The following RYR1 variants were observed in gnomAD, a reference collection of about 807,000 sequenced individuals.
RYR1 encodes the protein central core disease of muscle.
RYR1 carries 342 observed loss-of-function variants against 583.5 expected under a neutral mutation model. The ratio of observed to expected loss-of-function variants is 0.59; its 90% confidence interval spans 0.54 to 0.64. The LOEUF is 0.64. Ranked by LOEUF, RYR1 falls within the 30% of genes least tolerant of loss-of-function variation. The pLI is 0.00. For missense variants in RYR1, 6,032 were observed against 6,917.2 expected, an observed-to-expected ratio of 0.87 and a Z score of 4.54; for synonymous variants, 2,791 against 2,822.5, an observed-to-expected ratio of 0.99 and a Z score of 0.35.
chr19:38,566,504 A>C (rs1380278265), intron 91 of RYR1, among the ~76,000 whole-genome samples: 1 of 151,624 alleles, frequency 6.6e-6, no homozygotes, highest in Non-Finnish European at 1.5e-5. Context: ...GACTAAAAAA[A>C]GTCCCGAGAC....
chr19:38,551,928 C>A (rs1274825006), intron 89 of RYR1, among the ~76,000 whole-genome samples: 2 of 152,078 alleles, frequency 1.3e-5, no homozygotes, highest in East Asian at 3.9e-4. Context: ...TACAGCAACC[C>A]TACATGGTAA....
Position 38,458,312 on chromosome 19 carries a change from G to C in RYR1, c.2167+20G>C, listed in dbSNP as rs777995905. 2 of 1,611,782 alleles carry C rather than the reference G, an allele frequency of 1.2e-6. No homozygotes were observed. Among genetic ancestry groups the C allele is most frequent in the South Asian group, 2.2e-5 (2 of 91,030 alleles). On this transcript the variant is annotated intron_variant, in intron 18 of 105. Coordinates refer to ENST00000359596, the MANE Select transcript of RYR1 (RefSeq NM_000540.3). ...GGACAGGTACCTGACCCCTTCCAGG[G>C]GACCCTCACCCCTGACCATTGACCC...
At position 38,455,073 on chromosome 19, in the gene RYR1, G is replaced by A. The variant is rs116715161; in HGVS notation, c.1441-162G>A. Reference sequence around the variant, plus strand: ...ATGGGGAGCCAAGGAGGAGAGGAGAGCAATGGGACTGATTGGGAATATGAA... The same window carrying A: ...ATGGGGAGCCAAGGAGGAGAGGAGAACAATGGGACTGATTGGGAATATGAA... On this transcript the variant is annotated intron_variant, in intron 13 of 105. Transcript: ENST00000359596. Among the ~76,000 whole-genome samples, 1,074 of 152,184 alleles carry A rather than the reference G, an allele frequency of 7.1e-3. 11 individuals carry two copies. The highest frequency in any genetic ancestry group is 0.024 in the African/African-American group (1,008 of 41,522).
chr19:38,536,998 C>T (rs1427098341), intron 83 of RYR1: 1 of 599,232 alleles, frequency 1.7e-6, no homozygotes, highest in Non-Finnish European at 3.0e-6. Flanking sequence ...CTCTTACCTT[C>T]CCTAAGCTTC....
At position 38,444,292 on chromosome 19, in the gene RYR1, G is replaced by A; in HGVS notation, c.537+31G>A. The A allele has an allele frequency of 1.3e-6, 2 of 1,528,918 alleles. No homozygotes were observed. The highest frequency in any genetic ancestry group is 1.8e-6 in the Non-Finnish European group (2 of 1,104,992). The allele number at this position is 1,528,918 out of a possible 1,614,324, so 94.7% of individuals were successfully genotyped here. A position where few individuals can be genotyped will look rare whatever the true frequency, so the allele number is the denominator to read the frequency against. On this transcript the variant is annotated intron_variant, in intron 6 of 105. Coordinates refer to ENST00000359596, the MANE Select transcript of RYR1 (RefSeq NM_000540.3). This position sits in a 1 kb window ranked among gnomAD's most constrained non-coding sequence, Gnocchi z 5.1. Reference sequence around the variant, plus strand: ...CCATTGCGGTTCCTCCTGCTCCCAGGTCTGGGGGCGCATGGGATGGTCCCC... The same window carrying A: ...CCATTGCGGTTCCTCCTGCTCCCAGATCTGGGGGCGCATGGGATGGTCCCC...
rs113858376 is a variant in RYR1, at chr19:38,502,439, C to T, written c.7615-68C>T. The T allele has an allele frequency of 0.024, 34,623 of 1,466,408 alleles. 496 individuals carry two copies. The highest frequency in any genetic ancestry group is 0.038 in the Middle Eastern group (169 of 4,412). 90.8% of individuals were successfully genotyped at this position (1,466,408 alleles called of 1,614,324 possible). A position where few individuals can be genotyped will look rare whatever the true frequency, so the allele number is the denominator to read the frequency against. ...AGCTTGGATCCTTTGGCCACAGTCG[C>T]TCAAGACAGGTGCCAGAGCAGCCCC... On this transcript the variant is annotated intron_variant, in intron 47 of 105. Transcript: ENST00000359596.
At chr19:38,470,551 C>G (rs1968371277) in intron 27 of RYR1, among the ~76,000 whole-genome samples, 1 of 152,056 alleles carries the variant, frequency 6.6e-6, no homozygotes, top group Admixed American at 6.6e-5. Flanking sequence ...ATGAGCCTGG[C>G]CAATATGGCA....
intron 76 of RYR1, among the ~76,000 whole-genome samples, chr19:38,531,266 G>A (rs7246912): frequency 0.12 from 17,513 of 151,970 alleles, 1,217 homozygotes; most frequent in South Asian, 0.28. Context: ...GTGGGAGAGC[G>A]ATGGCTCTGG....
At chr19:38,526,103 A>G (rs1971455969) in intron 71 of RYR1, among the ~76,000 whole-genome samples, 5 of 152,034 alleles carry the variant, frequency 3.3e-5, no homozygotes, top group East Asian at 1.9e-4. Flanking sequence ...CCCAGGATCC[A>G]TGAACCCCAA....
rs143849895 is a variant in RYR1, at chr19:38,566,953, G to A, written c.13480G>A (p.Glu4494Lys). ...GGAGCTCCCGCCAGAGCCAGAGCCC[G>A]AGCCGGAACCAGAGCTGGAGCCGGA... is the stretch of plus-strand genomic sequence containing the variant. ...EEELPPEPEP[E>K]PEPELEPEKA... The change falls in exon 92 of 106, where the codon GAG (glutamate) becomes AAG (lysine). Residue 4494 changes from glutamate to lysine, a missense_variant. This residue lies in a region of RYR1 where 753 missense variants were observed against 759.6 expected (regional missense o/e 0.99). Coordinates refer to ENST00000359596, the MANE Select transcript of RYR1 (RefSeq NM_000540.3). 86 of 1,606,030 alleles carry A rather than the reference G, an allele frequency of 5.4e-5. No individual in the cohort carries two copies. The highest frequency in any genetic ancestry group is 9.4e-5 in the African/African-American group (7 of 74,844).
At chr19:38,502,858 C>CA (rs748450138) in intron 48 of RYR1, 22 bp from the exon 49 acceptor site, 11 of 1,607,140 alleles carry the variant, frequency 6.8e-6, no homozygotes, top group Non-Finnish European at 6.8e-6. Flanking sequence ...GGGGATTCTA[C>CA]ATCTTGTGCA....
In RYR1 at chr19:38,504,821, A is replaced by G. The variant is rs1220703299; in HGVS notation, c.8141A>G (p.Tyr2714Cys). The G allele has an allele frequency of 1.9e-6, 3 of 1,614,074 alleles. No homozygotes were observed. Among genetic ancestry groups the G allele is most frequent in the South Asian group, 1.1e-5 (1 of 91,068 alleles). Residue 2714 changes from tyrosine to cysteine, a missense_variant, in exon 51 of 106, where the codon TAT becomes TGT. This residue lies in a region of RYR1 where 1,493 missense variants were observed against 1,715.5 expected (regional missense o/e 0.87). Coordinates refer to ENST00000359596, the MANE Select transcript of RYR1 (RefSeq NM_000540.3). ...ATTGCCGGGGCTCTGCCCCCCGACTATGTGGATGCCTCATACTCATCTAAG... is the reference window on the plus strand; with the variant it reads ...ATTGCCGGGGCTCTGCCCCCCGACTGTGTGGATGCCTCATACTCATCTAAG... ...CAIAGALPPDYVDASYSSKAE... is the reference protein window; with the variant it reads ...CAIAGALPPDCVDASYSSKAE...
At chr19:38,502,814 A>AGCAGGAGCAGGG (rs1970240639) in intron 48 of RYR1, 66 bp from the exon 49 acceptor site, 2 of 671,656 alleles carry the variant, frequency 3.0e-6, no homozygotes, top group Admixed American at 4.4e-5. Flanking sequence ...CAGGGGGAGG[A>AGCAGGAGCAGGG]GCAGGGGCAG....
intron 99 of RYR1, among the ~76,000 whole-genome samples, chr19:38,578,721 G>A (rs1974067368): frequency 6.6e-6 from 1 of 152,158 alleles, no homozygotes; most frequent in South Asian, 2.1e-4. Context: ...AATCCAGGAG[G>A]TGGAGGCTGC....
Position 38,442,473 on chromosome 19 carries a change from G to A in RYR1, c.270+20G>A, listed in dbSNP as rs768522030. The A allele has an allele frequency of 1.9e-6, 3 of 1,590,482 alleles. No individual in the cohort carries two copies. The highest frequency in any genetic ancestry group is 2.6e-6 in the Non-Finnish European group (3 of 1,158,904). ...GTGGAGGTGAGGACCCCACCTGGGGGTGGGCGGGGTGGCAGAGATGGGCGA... is the reference window on the plus strand; with the variant it reads ...GTGGAGGTGAGGACCCCACCTGGGGATGGGCGGGGTGGCAGAGATGGGCGA... On this transcript the variant is annotated intron_variant, in intron 3 of 105. Coordinates refer to ENST00000359596, the MANE Select transcript of RYR1 (RefSeq NM_000540.3).
At chr19:38,585,208 C>T in intron 102 of RYR1, 109 bp downstream of exon 102, 6 of 1,352,182 alleles carry the variant, frequency 4.4e-6, no homozygotes, top group South Asian at 1.2e-5. Flanking sequence ...CTCTACCTCT[C>T]GCTACTGTGA....
At chr19:38,510,381 A>C in intron 58 of RYR1, 117 bp from the exon 59 acceptor site, 3 of 983,532 alleles carry the variant, frequency 3.1e-6, no homozygotes, top group Non-Finnish European at 4.8e-6. Context: ...AAATGACTTC[A>C]TACCAATACT....
chr19:38,447,874 T>TA (rs1411050428), intron 9 of RYR1, among the ~76,000 whole-genome samples: 1 of 140,326 alleles, frequency 7.1e-6, no homozygotes, highest in Admixed American at 7.1e-5. Flanking sequence ...AAAACAAAAA[T>TA]AAAAAATGAA....
intron 89 of RYR1, among the ~76,000 whole-genome samples, chr19:38,550,723 C>G (rs901461253): frequency 6.6e-6 from 1 of 152,034 alleles, no homozygotes; most frequent in Non-Finnish European, 1.5e-5. Context: ...TTGGTTAACT[C>G]GGTGTTCACC....
Sources: gnomAD v4.1 joint callset for allele counts (sites outside exome capture counted in the v4.1 genomes callset) on GRCh38, gnomAD v4.1.1 for gene constraint, gnomAD v4.1.1 regional missense constraint, Gnocchi (gnomAD v3.1) non-coding constraint, MANE v1.5 for transcripts, NCBI Gene and HGNC (gene_info 2026-07-23, HGNC 2026-07-21) for gene names.